Variants in NEB observed in about 807,000 individuals in gnomAD.
The protein encoded by NEB is nemaline myopathy type 2.
In NEB, 512 loss-of-function variants were observed where a neutral mutation model predicts 952.2. That is an observed-to-expected ratio of 0.54 (90% CI 0.50 to 0.58). The LOEUF (loss-of-function observed/expected upper bound fraction) is 0.58. NEB is among the 20% of genes least tolerant of loss of function. NEB has a pLI of 0.00. For missense variants in NEB, 8,428 were observed against 9,231.1 expected (o/e 0.91, Z 3.56); for synonymous variants, 2,900 against 3,149.8 (o/e 0.92, Z 2.66).
intron 27 of NEB, among the ~76,000 whole-genome samples, chr2:151,685,621 G>A (rs965661982): frequency 1.3e-5 from 2 of 152,152 alleles, no homozygotes; most frequent in East Asian, 1.9e-4. Context: ...TTAAAATAAC[G>A]TTGGCCCTTC....
intron 150 of NEB, 70 bp downstream of exon 150, chr2:151,525,888 A>T: frequency 8.3e-7 from 1 of 1,201,268 alleles, no homozygotes; most frequent in Non-Finnish European, 1.2e-6. Flanking sequence ...AAGGCAACTG[A>T]CATTATTTCA....
chr2:151,499,877 A>G (rs571603783), intron 168 of NEB, among the ~76,000 whole-genome samples: 3 of 152,268 alleles, frequency 2.0e-5, no homozygotes, highest in Middle Eastern at 3.4e-3. Flanking sequence ...GGCATTGTCT[A>G]TTTTCCACAG....
chr2:151,506,325 G>T, intron 163 of NEB, 67 bp from the exon 164 acceptor site: 2 of 1,187,248 alleles, frequency 1.7e-6, no homozygotes, highest in Non-Finnish European at 2.5e-6. Flanking sequence ...CCTGGAGAAA[G>T]ACTAGGACAC....
chr2:151,519,061 G>A lies in NEB; in HGVS notation c.22599C>T (p.Tyr7533=), dbSNP rs1279113627. The A allele has an allele frequency of 6.2e-7, 1 of 1,605,300 alleles. No homozygotes were observed. Among genetic ancestry groups the A allele is most frequent in the East Asian group, 2.2e-5 (1 of 44,800 alleles). Residue 7533 remains tyrosine (Y), a synonymous_variant, in exon 155 of 182, where the codon TAC becomes TAT. Transcript: ENST00000397345. ...DANNLASEVK[Y]KADLKKLHKP... ...TGTGAAGTTTCTTCAGGTCAGCCTT[G>A]TATTTAACCTGTGTGTTATGGGGGA...
chr2:151,612,497 T>C (rs1474916582), intron 77 of NEB, 108 bp from the exon 78 acceptor site: 2 of 1,137,578 alleles, frequency 1.8e-6, no homozygotes, highest in Non-Finnish European at 2.5e-6. Flanking sequence ...CTTATTTGTG[T>C]AAATTTCTGG....
intron 49 of NEB, 54 bp from the exon 50 acceptor site, chr2:151,656,077 A>G: frequency 6.3e-7 from 1 of 1,591,564 alleles, no homozygotes; most frequent in African/African-American, 1.3e-5. Flanking sequence ...GACACAAACC[A>G]TGGCATGTAA....
At chr2:151,497,319 A>G (rs113406378) in intron 171 of NEB, 23,352 of 979,878 alleles carry the variant, frequency 0.024, 320 homozygotes, top group African/African-American at 0.056. Context: ...CATGCCTCCT[A>G]AACAATTATA....
At chr2:151,490,195 A>G in intron 180 of NEB, 118 bp from the exon 181 acceptor site, 1 of 1,168,254 alleles carries the variant, frequency 8.6e-7, no homozygotes. Context: ...CCAAAAAGAG[A>G]AATCAAAGAA....
In NEB at chr2:151,614,311, T is replaced by G; in HGVS notation, c.11566A>C (p.Ile3856Leu). 4 of 1,613,914 alleles carry G rather than the reference T, an allele frequency of 2.5e-6. No individual in the cohort carries two copies. Among genetic ancestry groups the G allele is most frequent in the Non-Finnish European group, 3.4e-6 (4 of 1,179,808 alleles). The change falls in exon 77 of 182, where the codon ATT becomes CTT. Residue 3856 changes from isoleucine (I) to leucine (L), a missense_variant. Physicochemically the swap from Ile to Leu is conservative, Grantham distance 5. Coordinates refer to ENST00000397345, the MANE Select transcript of NEB (RefSeq NM_001164508.2). ...AGGTCATAGGCCTTCCGAGCCTGAA[T>G]GACGTCATTCTGATCAGGCAGGCAG... ...WTCLPDQNDV[I>L]QARKAYDLQS...
chr2:151,610,895 G>C, intron 78 of NEB, 29 bp from the exon 79 acceptor site: 3 of 1,377,310 alleles, frequency 2.2e-6, no homozygotes, highest in Non-Finnish European at 2.0e-6. Context: ...TGGGGCATGG[G>C]GAGAGGGAGG....
intron 55 of NEB, 148 bp downstream of exon 55, chr2:151,645,982 C>A: frequency 1.6e-6 from 1 of 631,888 alleles, no homozygotes; most frequent in Non-Finnish European, 2.7e-6. Flanking sequence ...GATATTCAAT[C>A]TAAAAGCCAC....
Position 151,658,786 on chromosome 2 carries a change from G to A in NEB, c.6075+279C>T, listed in dbSNP as rs994313098. 3.3e-5 allele frequency among the ~76,000 whole-genome samples: 5 copies of A among 152,038 alleles called. No individual in the cohort carries two copies. The East Asian group carries it at 5.8e-4, about 18-fold the overall frequency. On this transcript the variant is annotated intron_variant, in intron 47 of 181. Coordinates refer to ENST00000397345, the MANE Select transcript of NEB (RefSeq NM_001164508.2). ...TTCCTTTTTCTCTTCTCCTGGCCCC[G>A]GAGCCTGTTTCTTTCTACCAAATCT...
Position 151,643,966 on chromosome 2 carries a change from G to A in NEB, c.7808C>T (p.Pro2603Leu), listed in dbSNP as rs1259492469. ...CAACACCACCCCCAGCATGTCCACT[G>A]GGCTGCTGAACTTGGTCTTCCACTT... ...FEKWKTKFSS[P>L]VDMLGVVLAK... is the part of the protein sequence containing the mutation. The change falls in exon 57 of 182, where the codon CCA (proline) becomes CTA (leucine). Residue 2603 changes from proline to leucine, a missense_variant. Transcript: ENST00000397345. 9 of 1,613,802 alleles carry A rather than the reference G, an allele frequency of 5.6e-6. No homozygotes were observed. The African/African-American group carries it at 1.2e-4, about 22-fold the overall frequency.
chr2:151,509,097 T>C (rs1305796957), intron 161 of NEB, among the ~76,000 whole-genome samples: 1 of 152,210 alleles, frequency 6.6e-6, no homozygotes, highest in African/African-American at 2.4e-5. Flanking sequence ...TCTGTCTCTA[T>C]GTACTTTGTT....
intron 55 of NEB, among the ~76,000 whole-genome samples, chr2:151,645,737 G>A (rs1423938646): frequency 5.9e-5 from 9 of 152,152 alleles, no homozygotes; most frequent in South Asian, 4.1e-4. Flanking sequence ...ATTCTCCTGC[G>A]TGGGTTTTGT....
At chr2:151,633,130 G>A (rs1000202650) in intron 65 of NEB, among the ~76,000 whole-genome samples, 1 of 152,174 alleles carries the variant, frequency 6.6e-6, no homozygotes, top group Non-Finnish European at 1.5e-5. Flanking sequence ...TTGAGATAGT[G>A]TATCTGCTTC....
chr2:151,724,526 A>C (rs1000180312), intron 7 of NEB, among the ~76,000 whole-genome samples, 162 bp from the exon 8 acceptor site: 8 of 152,234 alleles, frequency 5.3e-5, no homozygotes, highest in Non-Finnish European at 1.0e-4. Context: ...CTTTTCCTAC[A>C]ATAGTCAGCT....
rs919075603 is a variant in NEB at position 151,731,339 on chromosome 2, T to A, written c.37-1683A>T. ...TAGTGCATCCTTGCTTCTCTCTCTT[T>A]CTTTTCAAGTTTAAGTTAGAGTAGA... On this transcript the variant is annotated intron_variant, in intron 3 of 181. Transcript: ENST00000397345. 6.6e-5 allele frequency among the ~76,000 whole-genome samples: 10 copies of A among 152,316 alleles called. No homozygotes were observed. In the South Asian group the frequency reaches 2.1e-3, roughly 32 times the overall value.
chr2:151,657,898 T>C, intron 48 of NEB, 85 bp downstream of exon 48: 1 of 893,286 alleles, frequency 1.1e-6, no homozygotes, highest in Middle Eastern at 2.1e-4. Context: ...TCATATTGTG[T>C]CCACTCAGTG....
Sources: allele counts gnomAD v4.1 joint callset (sites outside exome capture counted in the v4.1 genomes callset), GRCh38; gene constraint gnomAD v4.1.1; transcripts MANE v1.5; gene names NCBI Gene and HGNC (gene_info 2026-07-23, HGNC 2026-07-21).